Variants in FAM220A observed in about 807,000 individuals in gnomAD.
FAM220A encodes the protein family with sequence similarity 220 member A.
For synonymous variants in FAM220A, 141 were observed against 130.7 expected, an observed-to-expected ratio of 1.08 and a Z score of -0.54; for missense variants, 392 against 321.6, an observed-to-expected ratio of 1.22 and a Z score of -1.68.
chr7:6,331,483 T>C (rs1781634802), intron 1 of FAM220A, among the ~76,000 whole-genome samples: 1 of 151,404 alleles, frequency 6.6e-6, no homozygotes, highest in Non-Finnish European at 1.5e-5. Context: ...TTTTGTTTTT[T>C]TGAGACAGAG....
intron 1 of FAM220A, among the ~76,000 whole-genome samples, chr7:6,339,445 A>G (rs1781806816): frequency 6.6e-6 from 1 of 152,128 alleles, no homozygotes; most frequent in African/African-American, 2.4e-5. Flanking sequence ...TCCATAAAAA[A>G]TAAATCATCT....
intron 1 of FAM220A, among the ~76,000 whole-genome samples, chr7:6,347,043 G>A (rs1781965318): frequency 6.6e-6 from 1 of 152,172 alleles, no homozygotes; most frequent in African/African-American, 2.4e-5. Context: ...AAAGTCATCT[G>A]AGGCTGGGCT....
chr7:6,342,046 G>C (rs1781868837), intron 1 of FAM220A: 1 of 151,962 alleles, frequency 6.6e-6, no homozygotes, highest in Non-Finnish European at 1.5e-5. Flanking sequence ...AGATTCTAAA[G>C]ATTTTCTGCC....
At position 6,348,709 on chromosome 7, in the gene FAM220A, G is replaced by A. The variant is rs1782002463; in HGVS notation, c.-218C>T. 3 of 423,524 alleles carry A rather than the reference G, an allele frequency of 7.1e-6. No individual in the cohort carries two copies. Among genetic ancestry groups the A allele is most frequent in the Non-Finnish European group, 1.3e-5 (3 of 239,132 alleles). 26.2% of individuals were successfully genotyped at this position (423,524 alleles called of 1,614,324 possible). On this transcript the variant is annotated 5_prime_UTR_variant, in exon 1 of 2. Transcript: ENST00000313324. Reference sequence around the variant, plus strand: ...GCAGAAGACCCCATAGGAGCGGGCGGCGGCCGAGCGCGAGAGCCGGACAGC... The same window carrying A: ...GCAGAAGACCCCATAGGAGCGGGCGACGGCCGAGCGCGAGAGCCGGACAGC...
rs771917863 is a variant in FAM220A, at chr7:6,330,694, C to T, written c.461G>A (p.Arg154Gln). 1.1e-5 allele frequency: 17 copies of T among 1,613,976 alleles called. No individual in the cohort carries two copies. The highest frequency in any genetic ancestry group is 5.3e-5 in the African/African-American group (4 of 74,902). The part of the protein sequence containing the change: ...QCPKGEPRVS[R>Q]LPRHQKVPEM... ...CGGCACTTTTTGATGGCGTGGCAGTCGTGACACCCGAGGCTCTCCTTTGGG... is the reference window on the plus strand; with the variant it reads ...CGGCACTTTTTGATGGCGTGGCAGTTGTGACACCCGAGGCTCTCCTTTGGG... The change falls in exon 2 of 2, where the codon CGA (arginine) becomes CAA (glutamine). Residue 154 changes from arginine (R) to glutamine (Q), a missense_variant. Transcript: ENST00000313324.
intron 1 of FAM220A, among the ~76,000 whole-genome samples, 154 bp downstream of exon 1, chr7:6,348,419 G>A (rs1244426608): frequency 2.0e-5 from 3 of 152,124 alleles, no homozygotes; most frequent in Non-Finnish European, 4.4e-5. Context: ...GACCACCTCA[G>A]TGGATCTCCC....
At chr7:6,340,179 C>G (rs1458965207) in intron 1 of FAM220A, among the ~76,000 whole-genome samples, 1 of 152,168 alleles carries the variant, frequency 6.6e-6, no homozygotes, top group Non-Finnish European at 1.5e-5. Flanking sequence ...GCTACCGCGC[C>G]CGGCCCCTCC....
At chr7:6,346,666 T>G (rs1781955943) in intron 1 of FAM220A, among the ~76,000 whole-genome samples, 2 of 151,960 alleles carry the variant, frequency 1.3e-5, no homozygotes, top group Non-Finnish European at 2.9e-5. Context: ...CTTACAGGAG[T>G]GAGCTACTGT....
intron 1 of FAM220A, among the ~76,000 whole-genome samples, chr7:6,332,108 T>C (rs559101163): frequency 5.2e-5 from 6 of 115,742 alleles, no homozygotes; most frequent in African/African-American, 3.0e-4. Context: ...AGACTCCATC[T>C]CACGGAAAAA....
At chr7:6,336,792 C>T (rs745314773) in intron 1 of FAM220A, among the ~76,000 whole-genome samples, 7 of 151,726 alleles carry the variant, frequency 4.6e-5, no homozygotes, top group South Asian at 2.1e-4. Context: ...GCAGCTGGAA[C>T]CACAGGTGTG....
In FAM220A at chr7:6,330,448, T is replaced by C. The variant is rs1193383898; in HGVS notation, c.707A>G (p.Asp236Gly). 17 of 1,614,202 alleles carry C rather than the reference T, an allele frequency of 1.1e-5. No homozygotes were observed. The highest frequency in any genetic ancestry group is 2.7e-5 in the African/African-American group (2 of 75,070). The change falls in exon 2 of 2, where the codon GAT becomes GGT. Residue 236 changes from aspartate to glycine, a missense_variant. Asp to Gly is a moderately conservative substitution (Grantham distance 94). Transcript: ENST00000313324. Reference protein sequence around the residue: ...EFKKMLKSTSDGLQITLGLLA... With the variant: ...EFKKMLKSTSGGLQITLGLLA... ...TAACCCCAGTGTTATCTGCAGACCA[T>C]CTGAGGTGCTTTTAAGCATTTTCTT...
intron 1 of FAM220A, among the ~76,000 whole-genome samples, chr7:6,346,160 C>T (rs1048243714): frequency 6.6e-6 from 1 of 151,962 alleles, no homozygotes; most frequent in Admixed American, 6.6e-5. Context: ...AATACTGGGC[C>T]CCTATTTTCG....
intron 1 of FAM220A, among the ~76,000 whole-genome samples, chr7:6,337,046 A>G (rs1024664450): frequency 2.6e-5 from 4 of 151,952 alleles, no homozygotes; most frequent in African/African-American, 9.7e-5. Context: ...ATATATTTCA[A>G]TATATGTTGA....
chr7:6,332,243 G>A (rs1445920627), intron 1 of FAM220A, among the ~76,000 whole-genome samples: 1 of 152,036 alleles, frequency 6.6e-6, no homozygotes, highest in Non-Finnish European at 1.5e-5. Flanking sequence ...TCTCTGAGCT[G>A]CTTTACAACT....
intron 1 of FAM220A, 55 bp from the exon 2 acceptor site, chr7:6,331,290 G>T: frequency 1.3e-6 from 1 of 756,360 alleles, no homozygotes; most frequent in Non-Finnish European, 2.1e-6. Flanking sequence ...GGTCTTAAGA[G>T]CATCTACACC....
In FAM220A at chr7:6,348,868, A is replaced by G. The variant is rs1782006564; in HGVS notation, c.-377T>C. ...AGGGAGCGAAGGAGGCGGCGGCTAG[A>G]CCGGCGGGCGGGCGGGCCGCAGTGG... On this transcript the variant is annotated 5_prime_UTR_variant, in exon 1 of 2. Transcript: ENST00000313324. The G allele has an allele frequency of 2.6e-6, 1 of 386,086 alleles. No individual in the cohort carries two copies. The highest frequency in any genetic ancestry group is 2.1e-5 in the African/African-American group (1 of 47,766). The allele number at this position is 386,086 out of a possible 1,614,324, so 23.9% of individuals were successfully genotyped here.
intron 1 of FAM220A, among the ~76,000 whole-genome samples, chr7:6,345,764 G>C (rs1781940521): frequency 6.6e-6 from 1 of 151,610 alleles, no homozygotes; most frequent in South Asian, 2.1e-4. Context: ...TTTTTTGGTG[G>C]TGGTTATTAT....
At chr7:6,344,168 G>A (rs1653971378) in intron 1 of FAM220A, among the ~76,000 whole-genome samples, 1 of 150,670 alleles carries the variant, frequency 6.6e-6, no homozygotes, top group Non-Finnish European at 1.5e-5. Context: ...AAAAAGGCGT[G>A]GGGCTGTCCC....
At chr7:6,347,430 C>G (rs931740177) in intron 1 of FAM220A, among the ~76,000 whole-genome samples, 4 of 151,808 alleles carry the variant, frequency 2.6e-5, no homozygotes, top group Non-Finnish European at 4.4e-5. Context: ...TCAGGAGAAT[C>G]GCTTGAACTC....
Sources: allele counts gnomAD v4.1 joint callset (sites outside exome capture counted in the v4.1 genomes callset), GRCh38; gene constraint gnomAD v4.1.1; transcripts MANE v1.5; gene names NCBI Gene and HGNC (gene_info 2026-07-23, HGNC 2026-07-21).